The following PDE6A variants were observed in gnomAD, a reference collection of about 807,000 sequenced individuals.
PDE6A encodes phosphodiesterase 6A.
Under a neutral mutation model 106.3 loss-of-function variants are expected in PDE6A, and 84 were observed. That is an observed-to-expected ratio of 0.79 (90% CI 0.66 to 0.95). The LOEUF is 0.95. PDE6A is among the 40% of genes least tolerant of loss of function. The pLI is 0.00. For missense variants in PDE6A, 1,052 were observed against 1,084.9 expected, an observed-to-expected ratio of 0.97 and a Z score of 0.43; for synonymous variants, 394 against 386.6, an observed-to-expected ratio of 1.02 and a Z score of -0.23.
intron 1 of PDE6A, among the ~76,000 whole-genome samples, chr5:149,937,289 G>A (rs912340178): frequency 6.6e-6 from 1 of 152,264 alleles, no homozygotes; most frequent in African/African-American, 2.4e-5. Flanking sequence ...AGGGAAAGCA[G>A]AGGGCAAGGA....
intron 1 of PDE6A, among the ~76,000 whole-genome samples, chr5:149,940,287 G>A (rs1306896809): frequency 6.6e-6 from 1 of 152,198 alleles, no homozygotes; most frequent in Non-Finnish European, 1.5e-5. Flanking sequence ...TACAATTACA[G>A]TTAGAAGAGT....
intron 13 of PDE6A, 43 bp downstream of exon 13, chr5:149,895,140 G>A: frequency 8.9e-7 from 1 of 1,129,408 alleles, no homozygotes; most frequent in Non-Finnish European, 1.4e-6. Context: ...ATTGTCTAGT[G>A]TGATGCAAGC....
rs2113587889 is a variant in PDE6A at position 149,896,718 on chromosome 5, T to C, written c.1466A>G (p.Glu489Gly). The C allele has an allele frequency of 6.2e-7, 1 of 1,614,190 alleles. No individual in the cohort carries two copies. Among genetic ancestry groups the C allele is most frequent in the South Asian group, 1.1e-5 (1 of 91,080 alleles). Residue 489 changes from glutamate to glycine, a missense_variant, in exon 11 of 22, where the codon GAG (glutamate) becomes GGG (glycine). By Grantham distance (98) the Glu-to-Gly change is moderately conservative. Around this residue, in one of 3 missense-constraint regions of PDE6A, gnomAD observed 913 missense variants for 915.2 expected, o/e 1.00. Coordinates refer to ENST00000255266, the MANE Select transcript of PDE6A (RefSeq NM_000440.3). ...TGCCCCGGTTCAGCTCACCAGGATC[T>C]CAGCCAGCTCCTCTTCCTCACACTC... ...PWECEEEELA[E>G]ILQAELPDAD...
chr5:149,904,272 G>A (rs752138818), intron 7 of PDE6A, among the ~76,000 whole-genome samples: 24 of 152,098 alleles, frequency 1.6e-4, no homozygotes, highest in Non-Finnish European at 2.6e-4. Flanking sequence ...ACTACATTTG[G>A]GTTCTGTTTT....
chr5:149,882,041 C>A (rs147907963), intron 17 of PDE6A, among the ~76,000 whole-genome samples: 2,326 of 147,238 alleles, frequency 0.016, 36 homozygotes, highest in Middle Eastern at 0.025. Context: ...TAGAGCAAGA[C>A]CCTGTCTCAA....
At chr5:149,868,258 T>G (rs1411851988) in intron 17 of PDE6A, 100 bp from the exon 18 acceptor site, 2 of 1,191,678 alleles carry the variant, frequency 1.7e-6, no homozygotes, top group Non-Finnish European at 2.5e-6. Context: ...CACTAGTAGG[T>G]GACTTTGTCT....
At chr5:149,889,081 C>CAAAAAAAAAAAAAAAAAAAAAAAAA (rs568428704) in intron 13 of PDE6A, among the ~76,000 whole-genome samples, 8 of 61,558 alleles carry the variant, frequency 1.3e-4, no homozygotes, top group Admixed American at 3.7e-4. Flanking sequence ...GACTCTGTCT[C>CAAAAAAAAAAAAAAAAAAAAAAAAA]AAAAAAAAAA....
At chr5:149,905,216 C>A (rs1329006889) in intron 7 of PDE6A, among the ~76,000 whole-genome samples, 1 of 152,148 alleles carries the variant, frequency 6.6e-6, no homozygotes, top group Non-Finnish European at 1.5e-5. Context: ...TCTCTATCCA[C>A]CCTCCTCTTT....
At chr5:149,894,535 C>T (rs1413320129) in intron 13 of PDE6A, among the ~76,000 whole-genome samples, 2 of 151,832 alleles carry the variant, frequency 1.3e-5, no homozygotes, top group Non-Finnish European at 2.9e-5. Context: ...AAATGGATAC[C>T]TCTTTATAAC....
chr5:149,920,862 C>T (rs1386227549), intron 5 of PDE6A, among the ~76,000 whole-genome samples: 1 of 144,732 alleles, frequency 6.9e-6, no homozygotes, highest in East Asian at 2.0e-4. Flanking sequence ...ATACAAAGAC[C>T]CTATCTGAGA....
Position 149,931,119 on chromosome 5 carries a change from T to C in PDE6A, c.767A>G (p.Glu256Gly). The C allele has an allele frequency of 6.2e-7, 1 of 1,614,156 alleles. No individual in the cohort carries two copies. Among genetic ancestry groups the C allele is most frequent in the Non-Finnish European group, 8.5e-7 (1 of 1,179,986 alleles). ...GTACAGGGCTTTGTGGAACTGTCGT[T>C]CGATGTCCGTAAGTTCTTCAAAGAC... The part of the protein sequence containing the change: ...SKVFEELTDI[E>G]RQFHKALYTV... Residue 256 changes from glutamate to glycine, a missense_variant, in exon 4 of 22, where the codon GAA becomes GGA. Physicochemically the swap from Glu to Gly is moderately conservative, Grantham distance 98 (BLOSUM62 -2). Around this residue, in one of 3 missense-constraint regions of PDE6A, gnomAD observed 913 missense variants for 915.2 expected, o/e 1.00. Transcript: ENST00000255266.
chr5:149,894,823 G>A (rs909221135), intron 13 of PDE6A, among the ~76,000 whole-genome samples: 3 of 151,864 alleles, frequency 2.0e-5, no homozygotes, highest in South Asian at 2.1e-4. Flanking sequence ...TAGAGATGGG[G>A]TTTCACCATC....
In PDE6A at chr5:149,883,304, A is replaced by G. The variant is rs1581164715; in HGVS notation, c.2135+125T>C. The G allele has an allele frequency of 4.3e-6, 3 of 702,446 alleles. No individual in the cohort carries two copies. The South Asian group carries it at 4.7e-5, about 11-fold the overall frequency. The allele number at this position is 702,446 out of a possible 1,614,324, so 43.5% of individuals were successfully genotyped here. On this transcript the variant is annotated intron_variant, in intron 17 of 21. Transcript: ENST00000255266. ...AATTTGGCATAACTTCATTTTTTTC[A>G]TATGTTGAAGGCCTCCAAAATGAAA...
intron 7 of PDE6A, 106 bp from the exon 8 acceptor site, chr5:149,903,801 T>G (rs1206450079): frequency 1.2e-6 from 1 of 863,152 alleles, no homozygotes; most frequent in African/African-American, 1.7e-5. Context: ...GTCCAAGGCA[T>G]TCACATTCTT....
intron 13 of PDE6A, among the ~76,000 whole-genome samples, chr5:149,888,493 T>C (rs1752405555): frequency 6.8e-6 from 1 of 148,122 alleles, no homozygotes; most frequent in Non-Finnish European, 1.5e-5. Context: ...ATTTATAATA[T>C]ATTAATAACT....
At chr5:149,880,087 T>C (rs1050829117) in intron 17 of PDE6A, among the ~76,000 whole-genome samples, 1 of 152,204 alleles carries the variant, frequency 6.6e-6, no homozygotes. Flanking sequence ...CCATTATTAC[T>C]CTTCCATGTC....
chr5:149,920,010 T>C (rs531441254), intron 5 of PDE6A, among the ~76,000 whole-genome samples: 1 of 152,140 alleles, frequency 6.6e-6, no homozygotes, highest in East Asian at 1.9e-4. Flanking sequence ...GAGAGGGATG[T>C]TAGAAGGCAG....
intron 9 of PDE6A, among the ~76,000 whole-genome samples, chr5:149,898,789 AGGAAC>A (rs1425692425): frequency 2.0e-5 from 3 of 152,248 alleles, no homozygotes; most frequent in African/African-American, 7.2e-5. Flanking sequence ...GGGGATATCT[AGGAAC>A]GCTGTACTTT....
At chr5:149,934,433 A>G (rs1754127972) in intron 2 of PDE6A, 133 bp downstream of exon 2, 3 of 874,690 alleles carry the variant, frequency 3.4e-6, no homozygotes, top group African/African-American at 1.6e-5. Flanking sequence ...TGCCTCCCTC[A>G]GAGAACATCA....
Sources: allele counts gnomAD v4.1 joint callset (sites outside exome capture counted in the v4.1 genomes callset), GRCh38; gene constraint gnomAD v4.1.1; regional missense constraint gnomAD v4.1.1; transcripts MANE v1.5; gene names NCBI Gene and HGNC (gene_info 2026-07-23, HGNC 2026-07-21).